Variants in ABHD2 observed in about 807,000 individuals in gnomAD.
The protein encoded by ABHD2 is abhydrolase domain containing 2, acylglycerol lipase.
ABHD2 carries 20 observed loss-of-function variants against 48.1 expected under a neutral mutation model. That is an observed-to-expected ratio of 0.42 (90% CI 0.29 to 0.60). The LOEUF (loss-of-function observed/expected upper bound fraction) is 0.60, where lower values mean the gene tolerates loss of function less well. Among genes scored for constraint, ABHD2 ranks in the 20% least tolerant of loss-of-function variants. The pLI is 0.24. For synonymous variants in ABHD2, 209 were observed against 214.2 expected, an observed-to-expected ratio of 0.98 and a Z score of 0.21; for missense variants, 405 against 550.9, an observed-to-expected ratio of 0.74 and a Z score of 2.65.
Position 89,201,249 on chromosome 15 carries a change from CTGA to C in ABHD2, c.*5828_*5830del. ...TCATCTCTCAGGTGTTGATTTGCTT[CTGA>C]TAGCTTCATCATTTCTCCCTGAAGT... On this transcript the variant is annotated 3_prime_UTR_variant, in exon 11 of 11. Transcript: ENST00000352732. 3 of 1,252,258 alleles carry C rather than the reference CTGA, an allele frequency of 2.4e-6. No individual in the cohort carries two copies. The South Asian group carries it at 3.8e-5, about 16-fold the overall frequency. 77.6% of individuals were successfully genotyped at this position (1,252,258 alleles called of 1,614,324 possible).
At chr15:89,125,653 C>T (rs867509952) in intron 3 of ABHD2, among the ~76,000 whole-genome samples, 27 of 152,266 alleles carry the variant, frequency 1.8e-4, no homozygotes, top group East Asian at 9.6e-4. Context: ...GTACTAATAC[C>T]GGGGAATTCC....
chr15:89,051,864 A>G, the ABHD2 span, among the ~76,000 whole-genome samples: 1 of 152,198 alleles, frequency 6.6e-6, no homozygotes, highest in Non-Finnish European at 1.5e-5. Context: ...AGAACAAACT[A>G]ATAGAGGTAC....
chr15:89,059,050 A>G, the ABHD2 span, among the ~76,000 whole-genome samples: 1 of 152,198 alleles, frequency 6.6e-6, no homozygotes. Context: ...GGAATGGGGC[A>G]CGCAGAGAGC....
chr15:89,059,574 G>T, the ABHD2 span, among the ~76,000 whole-genome samples: 1 of 152,178 alleles, frequency 6.6e-6, no homozygotes, highest in Non-Finnish European at 1.5e-5. Flanking sequence ...CTTGAACCAT[G>T]AATTGGAGAA....
chr15:89,140,769 T>C (rs2050389958), intron 3 of ABHD2, among the ~76,000 whole-genome samples: 1 of 152,180 alleles, frequency 6.6e-6, no homozygotes, highest in Non-Finnish European at 1.5e-5. Context: ...TCTTCACGTT[T>C]AAAGATGTGT....
Position 89,182,249 on chromosome 15 carries a change from C to T in ABHD2, c.723-3175C>T, listed in dbSNP as rs1165119309. The stretch of plus-strand genomic sequence containing the variant: ...CAGAAAGCATCTTTCCTTTTGGAGT[C>T]ATCCTGGTTCTTTCTGAAGTTTTGA... On this transcript the variant is annotated intron_variant, in intron 6 of 10. Transcript: ENST00000352732. This position sits in a 1 kb window ranked among gnomAD's most constrained non-coding sequence, Gnocchi z 4.8. Among the ~76,000 whole-genome samples, 3 of 152,172 alleles carry T rather than the reference C, an allele frequency of 2.0e-5. No individual in the cohort carries two copies. Among genetic ancestry groups the T allele is most frequent in the African/African-American group, 7.2e-5 (3 of 41,428 alleles).
At chr15:89,043,764 AAGG>A in the ABHD2 span, among the ~76,000 whole-genome samples, 7 of 150,424 alleles carry the variant, frequency 4.7e-5, no homozygotes, top group East Asian at 9.9e-4. Flanking sequence ...GGAGAAGAAG[AAGG>A]AGGAGGAGGA....
chr15:89,049,394 C>T, the ABHD2 span, among the ~76,000 whole-genome samples: 7 of 152,362 alleles, frequency 4.6e-5, no homozygotes, highest in East Asian at 1.2e-3. Context: ...AGGCAGGCCT[C>T]CTTGAGCTGT....
rs2049716423 is a variant in ABHD2 at position 89,102,474 on chromosome 15, C to T, written c.-106-11251C>T. On this transcript the variant is annotated intron_variant, in intron 1 of 10. Coordinates refer to ENST00000352732, the MANE Select transcript of ABHD2 (RefSeq NM_152924.5). This position sits in a 1 kb window ranked among gnomAD's most constrained non-coding sequence, Gnocchi z 4.8. ...GGGCGTAGTTTGCAAAACATCCCTC[C>T]CAGTGGTACTGATGCCTTTTCGCAG... The T allele has an allele frequency of 6.6e-6, 1 of 152,262 alleles. No homozygotes were observed. The highest frequency in any genetic ancestry group is 2.4e-5 in the African/African-American group (1 of 41,468). The allele number at this position is 152,262 out of a possible 1,614,324, so 9.4% of individuals were successfully genotyped here.
At chr15:89,194,410 C>T (rs1031512827) in intron 10 of ABHD2, among the ~76,000 whole-genome samples, 3 of 151,954 alleles carry the variant, frequency 2.0e-5, no homozygotes, top group South Asian at 2.1e-4. Flanking sequence ...CGCTTGAACC[C>T]GAGAGTGGAG....
At chr15:89,098,243 T>G (rs1032083280) in intron 1 of ABHD2, among the ~76,000 whole-genome samples, 2 of 152,172 alleles carry the variant, frequency 1.3e-5, no homozygotes, top group Non-Finnish European at 2.9e-5. Context: ...TGTATTCAAT[T>G]ATGTCATTAC....
the ABHD2 span, among the ~76,000 whole-genome samples, chr15:89,058,679 C>A: frequency 6.6e-6 from 1 of 152,150 alleles, no homozygotes. Context: ...TGTGACAGGC[C>A]AAGTCCCTTC....
upstream of ABHD2, chr15:89,086,988 A>G (rs1901374556): frequency 1.3e-5 from 2 of 152,144 alleles, no homozygotes; most frequent in South Asian, 2.1e-4. Context: ...AGCAATGGCA[A>G]AGGATTCTTT....
At chr15:89,147,721 T>C (rs537313380) in intron 3 of ABHD2, among the ~76,000 whole-genome samples, 3 of 152,260 alleles carry the variant, frequency 2.0e-5, no homozygotes, top group Admixed American at 2.0e-4. Context: ...ATCTATTGTA[T>C]ATTTTAACTT....
intron 3 of ABHD2, chr15:89,136,324 C>G: frequency 2.1e-6 from 1 of 477,398 alleles, no homozygotes; most frequent in South Asian, 1.6e-5. Context: ...TCGAATTTTC[C>G]TTTCTGTTTA....
chr15:89,172,731 A>G (rs62020268), intron 5 of ABHD2, among the ~76,000 whole-genome samples: 3,120 of 152,192 alleles, frequency 0.021, 59 homozygotes, highest in Non-Finnish European at 0.028. Context: ...CGAAGTCTTT[A>G]CTCTTGTTAC....
chr15:89,064,624 T>C, the ABHD2 span, among the ~76,000 whole-genome samples: 1 of 152,184 alleles, frequency 6.6e-6, no homozygotes, highest in Non-Finnish European at 1.5e-5. Flanking sequence ...CATCATTTCA[T>C]GTCAACAAAG....
chr15:89,108,102 AG>A (rs1227370413), intron 1 of ABHD2, among the ~76,000 whole-genome samples: 4 of 152,342 alleles, frequency 2.6e-5, no homozygotes, highest in East Asian at 3.9e-4. Context: ...GGGTCCTTTC[AG>A]AAGGAAGTGG....
chr15:89,183,384 A>AAAAAAAAAAT (rs61602174), intron 6 of ABHD2: 39 of 46,270 alleles, frequency 8.4e-4, no homozygotes, highest in South Asian at 1.8e-3. Context: ...AAAAAAAAAA[A>AAAAAAAAAAT]ATATATATAT....
Sources: allele counts gnomAD v4.1 joint callset (sites outside exome capture counted in the v4.1 genomes callset), GRCh38; gene constraint gnomAD v4.1.1; non-coding constraint Gnocchi (gnomAD v3.1); transcripts MANE v1.5; gene names NCBI Gene and HGNC (gene_info 2026-07-23, HGNC 2026-07-21).